NRG1: variants seen among roughly 807,000 people sequenced by gnomAD.
The protein encoded by NRG1 is pro-neuregulin-1, membrane-bound isoform.
In NRG1, 18 loss-of-function variants were observed where a neutral mutation model predicts 63.8. The observed-to-expected ratio is 0.28, with a 90% confidence interval of 0.19 to 0.42. The LOEUF is 0.42. Among genes scored for constraint, NRG1 ranks in the 10% least tolerant of loss-of-function variants. The pLI is 1.00. For missense variants in NRG1, 762 were observed against 814.7 expected (o/e 0.94, Z 0.79); for synonymous variants, 302 against 301.3 (o/e 1.00, Z -0.02).
At chr8:32,655,870 G>T (rs1198696287) in intron 5 of NRG1, among the ~76,000 whole-genome samples, 2 of 152,012 alleles carry the variant, frequency 1.3e-5, no homozygotes, top group Admixed American at 1.3e-4. Flanking sequence ...GGAAAGATTG[G>T]GACAACGGAA....
intron 1 of NRG1, among the ~76,000 whole-genome samples, chr8:32,215,376 C>T (rs184567856): frequency 1.3e-5 from 2 of 152,290 alleles, no homozygotes; most frequent in Admixed American, 1.3e-4. Context: ...ATAGACTGGA[C>T]TCCTTCTAGC....
chr8:32,493,083 G>T (rs1194235053), intron 1 of NRG1, among the ~76,000 whole-genome samples: 1 of 152,072 alleles, frequency 6.6e-6, no homozygotes, highest in African/African-American at 2.4e-5. Context: ...ATTTCCAATG[G>T]CAACTTTACC....
At chr8:32,281,852 C>G (rs1852894587) in intron 1 of NRG1, among the ~76,000 whole-genome samples, 1 of 152,062 alleles carries the variant, frequency 6.6e-6, no homozygotes, top group Non-Finnish European at 1.5e-5. Context: ...AAATTTTATG[C>G]TGTATGTATT....
intron 1 of NRG1, among the ~76,000 whole-genome samples, chr8:32,344,602 ATTTTTTTTT>A (rs61448713): frequency 1.5e-4 from 15 of 101,156 alleles, no homozygotes; most frequent in Admixed American, 2.4e-4. Flanking sequence ...ACACTCAGCT[ATTTTTTTTT>A]TTTTTTTTTT....
chr8:32,734,368 T>G (rs1013001601), intron 6 of NRG1, among the ~76,000 whole-genome samples: 1 of 152,130 alleles, frequency 6.6e-6, no homozygotes, highest in Non-Finnish European at 1.5e-5. Context: ...AAAGAGAAAT[T>G]TGGAAAAAAT....
chr8:32,560,681 T>G (rs2129526836), intron 1 of NRG1, among the ~76,000 whole-genome samples: 1 of 152,350 alleles, frequency 6.6e-6, no homozygotes, highest in Non-Finnish European at 1.5e-5. Flanking sequence ...ATTTTGAAGC[T>G]CTCTGTGTAA....
chr8:31,857,536 C>G (rs181818209), intron 1 of NRG1, among the ~76,000 whole-genome samples: 1 of 152,186 alleles, frequency 6.6e-6, no homozygotes, highest in African/African-American at 2.4e-5. Flanking sequence ...GAGATGAACC[C>G]GGTACCTCAG....
chr8:31,646,914 A>C (rs890808720), intron 1 of NRG1, among the ~76,000 whole-genome samples: 2 of 152,220 alleles, frequency 1.3e-5, no homozygotes, highest in African/African-American at 2.4e-5. Context: ...GCTTCAGAGA[A>C]AGGTTGTTTA....
At chr8:32,612,581 G>A (rs1355199362) in intron 3 of NRG1, among the ~76,000 whole-genome samples, 1 of 151,852 alleles carries the variant, frequency 6.6e-6, no homozygotes, top group Non-Finnish European at 1.5e-5. Context: ...TCCTGTTCTG[G>A]TATTTTTAGG....
intron 1 of NRG1, among the ~76,000 whole-genome samples, chr8:32,390,815 C>T (rs1157320712): frequency 6.6e-6 from 1 of 151,920 alleles, no homozygotes; most frequent in African/African-American, 2.4e-5. Context: ...ATTCGTAGTA[C>T]CAGCGTTCAG....
chr8:31,654,517 T>G (rs1805226936), intron 1 of NRG1, among the ~76,000 whole-genome samples: 1 of 152,372 alleles, frequency 6.6e-6, no homozygotes, highest in South Asian at 2.1e-4. Flanking sequence ...ATCTTTGCCA[T>G]CGGCTGTTCG....
intron 1 of NRG1, among the ~76,000 whole-genome samples, chr8:32,489,659 G>C (rs1459380752): frequency 1.3e-5 from 2 of 152,092 alleles, no homozygotes; most frequent in Non-Finnish European, 2.9e-5. Context: ...TTAAATTATG[G>C]AAGCTAAATA....
At chr8:31,958,129 G>A (rs1376256961) in intron 1 of NRG1, among the ~76,000 whole-genome samples, 1 of 151,936 alleles carries the variant, frequency 6.6e-6, no homozygotes, top group East Asian at 1.9e-4. Context: ...GTTTGTGTGT[G>A]TGTTGTGTGT....
intron 1 of NRG1, among the ~76,000 whole-genome samples, chr8:31,717,147 CTG>C (rs1397058341): frequency 1.3e-5 from 2 of 152,130 alleles, no homozygotes; most frequent in Admixed American, 1.3e-4. Flanking sequence ...TGGCTTACGC[CTG>C]TAATCCTAGC....
chr8:31,775,013 C>G (rs186614190), intron 1 of NRG1, among the ~76,000 whole-genome samples: 3 of 152,010 alleles, frequency 2.0e-5, no homozygotes, highest in Admixed American at 2.0e-4. Flanking sequence ...TAGTACAACC[C>G]CTATGGAAAA....
chr8:32,300,852 A>G (rs1254528042), intron 1 of NRG1, among the ~76,000 whole-genome samples: 1 of 152,226 alleles, frequency 6.6e-6, no homozygotes, highest in African/African-American at 2.4e-5. Flanking sequence ...TTTAATTTAC[A>G]TCAATGGAAG....
At chr8:32,730,340 C>T (rs771965881) in intron 6 of NRG1, among the ~76,000 whole-genome samples, 3 of 152,078 alleles carry the variant, frequency 2.0e-5, no homozygotes, top group Non-Finnish European at 4.4e-5. Flanking sequence ...GTAGTCCCAA[C>T]TATTCGGGAG....
intron 5 of NRG1, among the ~76,000 whole-genome samples, chr8:32,648,541 C>T (rs993948447): frequency 6.6e-6 from 1 of 152,024 alleles, no homozygotes; most frequent in Non-Finnish European, 1.5e-5. Flanking sequence ...ATTGAAGGGC[C>T]GAGTAAAATG....
intron 1 of NRG1, among the ~76,000 whole-genome samples, chr8:32,107,371 A>G (rs17619854): frequency 0.021 from 3,237 of 152,326 alleles, 60 homozygotes; most frequent in South Asian, 0.059. Flanking sequence ...AGTTTACCTG[A>G]CATGAAGATA....
Sources: gnomAD v4.1 joint callset for allele counts (sites outside exome capture counted in the v4.1 genomes callset) on GRCh38, gnomAD v4.1.1 for gene constraint, MANE v1.5 for transcripts, NCBI Gene and HGNC (gene_info 2026-07-23, HGNC 2026-07-21) for gene names.